Variants in IGSF10 observed in about 807,000 individuals in gnomAD.
The protein encoded by IGSF10 is immunoglobulin superfamily member 10.
IGSF10 carries 126 observed loss-of-function variants against 128.2 expected under a neutral mutation model. That is an observed-to-expected ratio of 0.98 (90% CI 0.85 to 1.14). The LOEUF (loss-of-function observed/expected upper bound fraction) is 1.14. Ranked by LOEUF, IGSF10 falls within the 50% of genes most tolerant of loss-of-function variation. The pLI is 0.00. For synonymous variants in IGSF10, 1,185 were observed against 1,146.2 expected, an observed-to-expected ratio of 1.03 and a Z score of -0.68; for missense variants, 3,295 against 3,149.8, an observed-to-expected ratio of 1.05 and a Z score of -1.10.
the IGSF10 span, among the ~76,000 whole-genome samples, chr3:151,526,376 T>C: frequency 2.8e-4 from 42 of 150,752 alleles, no homozygotes; most frequent in African/African-American, 9.2e-4. Context: ...TAATCTTTAG[T>C]ATATTTCAGC....
At chr3:151,556,725 G>C in the IGSF10 span, among the ~76,000 whole-genome samples, 1 of 152,084 alleles carries the variant, frequency 6.6e-6, no homozygotes, top group Non-Finnish European at 1.5e-5. Flanking sequence ...TAGGGGAAAT[G>C]GTAGGTAAGT....
chr3:151,597,211 G>A, the IGSF10 span, among the ~76,000 whole-genome samples: 1 of 152,184 alleles, frequency 6.6e-6, no homozygotes, highest in Non-Finnish European at 1.5e-5. Flanking sequence ...CTGTGTAGGT[G>A]TTGTGGACAC....
At chr3:151,528,475 G>T in the IGSF10 span, among the ~76,000 whole-genome samples, 1 of 152,224 alleles carries the variant, frequency 6.6e-6, no homozygotes, top group African/African-American at 2.4e-5. Context: ...CAGAAGGCAG[G>T]TGATTTCTGC....
At chr3:151,498,660 A>G in the IGSF10 span, among the ~76,000 whole-genome samples, 5 of 152,182 alleles carry the variant, frequency 3.3e-5, no homozygotes, top group Non-Finnish European at 7.4e-5. Context: ...ATAAAGTTAT[A>G]CAAGTAGACA....
the IGSF10 span, among the ~76,000 whole-genome samples, chr3:151,543,712 A>G: frequency 3.3e-5 from 5 of 152,158 alleles, no homozygotes; most frequent in African/African-American, 4.8e-5. Flanking sequence ...AACTTACACA[A>G]ATAGGTTATA....
the IGSF10 span, among the ~76,000 whole-genome samples, chr3:151,537,529 T>C: frequency 6.6e-6 from 1 of 152,174 alleles, no homozygotes; most frequent in Non-Finnish European, 1.5e-5. Flanking sequence ...TTCCCCATCA[T>C]GTACATGATG....
the IGSF10 span, among the ~76,000 whole-genome samples, chr3:151,605,434 G>GAT: frequency 1.3e-5 from 2 of 152,124 alleles, no homozygotes; most frequent in East Asian, 1.9e-4. Context: ...TGTTATATAT[G>GAT]ATATATATAT....
the IGSF10 span, among the ~76,000 whole-genome samples, chr3:151,533,453 GA>G: frequency 2.0e-5 from 3 of 152,250 alleles, no homozygotes; most frequent in East Asian, 5.8e-4. Flanking sequence ...TACCAAAACA[GA>G]TATATAGACC....
At chr3:151,518,265 C>G in the IGSF10 span, among the ~76,000 whole-genome samples, 1 of 151,960 alleles carries the variant, frequency 6.6e-6, no homozygotes, top group Non-Finnish European at 1.5e-5. Context: ...CAAGCTATAA[C>G]CAATCTGGTT....
chr3:151,602,687 T>C, the IGSF10 span, among the ~76,000 whole-genome samples: 46 of 152,260 alleles, frequency 3.0e-4, no homozygotes, highest in Non-Finnish European at 4.3e-4. Context: ...AGGAGTTCCC[T>C]GCCACCCTCC....
At position 151,447,602 on chromosome 3, in the gene IGSF10, T is replaced by G; in HGVS notation, c.2379A>C (p.Glu793Asp). The G allele has an allele frequency of 6.2e-7, 1 of 1,614,162 alleles. No homozygotes were observed. ...VTQLPNIPGE[E>D]DDSSGMLALH... ...GAGCGAGCATGCCTGAGGAATCGTC[T>G]TCTTCACCAGGTATGTTTGGGAGTT... Residue 793 changes from glutamate (E) to aspartate (D), a missense_variant, in exon 6 of 8, where the codon GAA becomes GAC. Physicochemically the swap from Glu to Asp is conservative, Grantham distance 45. Coordinates refer to ENST00000282466, the MANE Select transcript of IGSF10 (RefSeq NM_178822.5).
Position 151,439,940 on chromosome 3 carries a change from TAAAAC to T in IGSF10, c.5964-1348_5964-1344del, listed in dbSNP as rs371777551. ...GGGCAACATGGGCTAAGCAGGTAGA[TAAAAC>T]GAGAGGAAAGTAAAAACTGTTTTCA... On this transcript the variant is annotated intron_variant, in intron 7 of 7. Transcript: ENST00000282466. Among the ~76,000 whole-genome samples the T allele has an allele frequency of 5.5e-3, 843 of 152,324 alleles. 3 individuals are homozygous for T. The highest frequency in any genetic ancestry group is 0.013 in the South Asian group (65 of 4,830).
chr3:151,482,096 A>T, the IGSF10 span, among the ~76,000 whole-genome samples: 1 of 152,238 alleles, frequency 6.6e-6, no homozygotes, highest in East Asian at 1.9e-4. Context: ...TGACTGCACA[A>T]CCAGAGACAT....
At chr3:151,551,303 C>T in the IGSF10 span, among the ~76,000 whole-genome samples, 1 of 151,968 alleles carries the variant, frequency 6.6e-6, no homozygotes, top group African/African-American at 2.4e-5. Context: ...ATAGTCATCC[C>T]TCAATATGTG....
upstream of IGSF10, among the ~76,000 whole-genome samples, chr3:151,465,988 G>GTTTCTGTACCTCACTTCTGA (rs1722270867): frequency 1.3e-5 from 2 of 152,088 alleles, no homozygotes; most frequent in African/African-American, 4.8e-5. Context: ...CAATCCAGCT[G>GTTTCTGTACCTCACTTCTGA]TTTCTGTACC....
the IGSF10 span, among the ~76,000 whole-genome samples, chr3:151,553,146 A>T: frequency 7.2e-5 from 11 of 152,178 alleles, no homozygotes; most frequent in African/African-American, 2.2e-4. Flanking sequence ...GATTATAGAG[A>T]TGCCTGTAAC....
chr3:151,589,128 T>C, the IGSF10 span, among the ~76,000 whole-genome samples: 3 of 152,216 alleles, frequency 2.0e-5, no homozygotes, highest in Non-Finnish European at 4.4e-5. Flanking sequence ...TTTTGCTAAA[T>C]TTTCTTCAGT....
the IGSF10 span, among the ~76,000 whole-genome samples, chr3:151,611,451 T>C: frequency 6.6e-6 from 1 of 152,180 alleles, no homozygotes; most frequent in Non-Finnish European, 1.5e-5. Flanking sequence ...TCTTGATTCA[T>C]TGACCTATGA....
intron 2 of IGSF10, among the ~76,000 whole-genome samples, 189 bp downstream of exon 2, chr3:151,460,069 TATC>T (rs1721981113): frequency 6.6e-6 from 1 of 152,234 alleles, no homozygotes; most frequent in Non-Finnish European, 1.5e-5. Flanking sequence ...ATTTCCACCT[TATC>T]ATTAGATAAA....
Sources: allele counts gnomAD v4.1 joint callset (sites outside exome capture counted in the v4.1 genomes callset), GRCh38; gene constraint gnomAD v4.1.1; transcripts MANE v1.5; gene names NCBI Gene and HGNC (gene_info 2026-07-23, HGNC 2026-07-21).